The following PPP1R3B variants were observed in gnomAD, a reference collection of about 807,000 sequenced individuals.
PPP1R3B encodes protein phosphatase 1 regulatory subunit 3B, also known as PP1 subunit R4.
Under a neutral mutation model 14.6 loss-of-function variants are expected in PPP1R3B, and 8 were observed. The observed-to-expected ratio is 0.55, with a 90% CI of 0.32 to 0.99. The LOEUF is 0.99. Among genes scored for constraint, PPP1R3B ranks in the 50% least tolerant of loss-of-function variants. PPP1R3B has a pLI of 0.04. For missense variants in PPP1R3B, 452 were observed against 360.1 expected, an observed-to-expected ratio of 1.26 and a Z score of -2.07; for synonymous variants, 169 against 142.0, an observed-to-expected ratio of 1.19 and a Z score of -1.35.
At chr8:9,144,545 A>T (rs1462762450) in intron 1 of PPP1R3B, among the ~76,000 whole-genome samples, 1 of 152,142 alleles carries the variant, frequency 6.6e-6, no homozygotes, top group Non-Finnish European at 1.5e-5. Context: ...CTAATTTTTT[A>T]ATCATTTTTT....
chr8:9,141,468 G>A lies in PPP1R3B; in HGVS notation c.184C>T (p.Arg62Trp), dbSNP rs768094652. The stretch of plus-strand genomic sequence containing the variant: ...CCCTGGTTGTCTGCGAAGGACACCC[G>A]CTTTTTCACCTTCTTCTCCTGGACA... ...PAVQEKKVKK[R>W]VSFADNQGLA... is the part of the protein sequence containing the mutation. Residue 62 changes from arginine (R) to tryptophan (W), a missense_variant, in exon 2 of 2, where the codon CGG becomes TGG. By Grantham distance (101) the Arg-to-Trp change is moderately radical. Transcript: ENST00000310455. The A allele has an allele frequency of 1.7e-5, 27 of 1,614,024 alleles. No homozygotes were observed. Among genetic ancestry groups the A allele is most frequent in the Non-Finnish European group, 2.1e-5 (25 of 1,180,048 alleles).
rs1253195478 is a variant in PPP1R3B at position 9,138,527 on chromosome 8, C to G, written c.*2267G>C. The G allele has an allele frequency of 6.6e-6, 1 of 152,144 alleles. No homozygotes were observed. The highest frequency in any genetic ancestry group is 6.5e-5 in the Admixed American group (1 of 15,268). The allele number at this position is 152,144 out of a possible 1,614,324, so 9.4% of individuals were successfully genotyped here. On this transcript the variant is annotated 3_prime_UTR_variant, in exon 2 of 2. Coordinates refer to ENST00000310455, the MANE Select transcript of PPP1R3B (RefSeq NM_024607.4). ...AAAACAACAACAAAAACAACCTAAC[C>G]CAACCACAAAACTCTAGGAGCCAAG... is the stretch of plus-strand genomic sequence containing the variant.
At chr8:9,149,327 C>T (rs556315750) in intron 1 of PPP1R3B, among the ~76,000 whole-genome samples, 50 of 150,592 alleles carry the variant, frequency 3.3e-4, no homozygotes, top group Non-Finnish European at 6.1e-4. Flanking sequence ...GGTGAAACCC[C>T]GTCTCTACTA....
rs1037977329 is a variant in PPP1R3B at position 9,138,004 on chromosome 8, T to C, written c.*2790A>G. ...GTCTTAAGATCATTATTAGATAAAA[T>C]TAAACTGACTTTATTAAACAGAGTC... On this transcript the variant is annotated 3_prime_UTR_variant, in exon 2 of 2. Coordinates refer to ENST00000310455, the MANE Select transcript of PPP1R3B (RefSeq NM_024607.4). 6.6e-6 allele frequency: 1 copy of C among 152,204 alleles called. No homozygotes were observed. Among genetic ancestry groups the C allele is most frequent in the African/African-American group, 2.4e-5 (1 of 41,460 alleles). 9.4% of individuals were successfully genotyped at this position (152,204 alleles called of 1,614,324 possible).
chr8:9,147,423 TTCC>T (rs1169442299), intron 1 of PPP1R3B, among the ~76,000 whole-genome samples: 1 of 152,144 alleles, frequency 6.6e-6, no homozygotes, highest in Non-Finnish European at 1.5e-5. Context: ...TCTTCACAGC[TTCC>T]TCCTCAACTG....
Position 9,147,894 on chromosome 8 carries a change from T to A in PPP1R3B, c.-18+2669A>T, listed in dbSNP as rs1163209783. 2.0e-5 allele frequency among the ~76,000 whole-genome samples: 3 copies of A among 152,160 alleles called. 1 individual carries two copies. Among genetic ancestry groups the A allele is most frequent in the Non-Finnish European group, 4.4e-5 (3 of 68,036 alleles). On this transcript the variant is annotated intron_variant, in intron 1 of 1. Transcript: ENST00000310455. ...GCTCAAGAGTTACCCGCAGGACTAC[T>A]ACCCCAGGGACATTGCACAAGCAAC...
intron 1 of PPP1R3B, among the ~76,000 whole-genome samples, chr8:9,146,155 A>C (rs1019306479): frequency 6.6e-6 from 1 of 152,160 alleles, no homozygotes; most frequent in Admixed American, 6.5e-5. Flanking sequence ...TTATCATTCT[A>C]ATTACCATGG....
In PPP1R3B at chr8:9,150,564, T is replaced by A. The variant is rs944053249; in HGVS notation, c.-19A>T. ...TCCTTGGCCTCGCGCCGCACCCACC[T>A]TTTGGGCCGCGGAGAAGCCCCCTCC... On this transcript the variant is annotated splice_region_variant and 5_prime_UTR_variant, in exon 1 of 2. It adds an upstream start codon to the 5' untranslated region. Transcript: ENST00000310455. 2 of 152,812 alleles carry A rather than the reference T, an allele frequency of 1.3e-5. No homozygotes were observed. Among genetic ancestry groups the A allele is most frequent in the Admixed American group, 1.3e-4 (2 of 15,310 alleles). 9.5% of individuals were successfully genotyped at this position (152,812 alleles called of 1,614,324 possible).
In PPP1R3B at chr8:9,140,723, A is replaced by G; in HGVS notation, c.*71T>C. The G allele has an allele frequency of 6.5e-7, 1 of 1,532,398 alleles. No individual in the cohort carries two copies. 94.9% of individuals were successfully genotyped at this position (1,532,398 alleles called of 1,614,324 possible). A position where few individuals can be genotyped will look rare whatever the true frequency, so the allele number is the denominator to read the frequency against. ...CCACGTTGCTCCTCCCTGGCCTTCCATCTCCACTGCACAGTGAGCAGAGCT... is the reference window on the plus strand; with the variant it reads ...CCACGTTGCTCCTCCCTGGCCTTCCGTCTCCACTGCACAGTGAGCAGAGCT... On this transcript the variant is annotated 3_prime_UTR_variant, in exon 2 of 2. Coordinates refer to ENST00000310455, the MANE Select transcript of PPP1R3B (RefSeq NM_024607.4).
chr8:9,145,901 G>C (rs1801226920), intron 1 of PPP1R3B, among the ~76,000 whole-genome samples: 1 of 151,820 alleles, frequency 6.6e-6, no homozygotes, highest in African/African-American at 2.4e-5. Flanking sequence ...ACAGGATCTT[G>C]CTGTGTTGCC....
chr8:9,141,703 C>T (rs750178500), intron 1 of PPP1R3B, 35 bp from the exon 2 acceptor site: 4 of 1,576,108 alleles, frequency 2.5e-6, no homozygotes, highest in Non-Finnish European at 3.5e-6. Flanking sequence ...AGAAAGAAAA[C>T]AGTGGAGCAA....
Position 9,136,528 on chromosome 8 carries a change from C to G in PPP1R3B, c.*4266G>C, listed in dbSNP as rs1364265607. The G allele has an allele frequency of 2.0e-5, 3 of 152,208 alleles. No individual in the cohort carries two copies. Among genetic ancestry groups the G allele is most frequent in the African/African-American group, 7.2e-5 (3 of 41,450 alleles). The allele number at this position is 152,208 out of a possible 1,614,324, so 9.4% of individuals were successfully genotyped here. ...TCAAAGCCCTCAGAGGTCCAGCAGT[C>G]TCTAAAAACTCGTCAACAAGACTAA... is the stretch of plus-strand genomic sequence containing the variant. On this transcript the variant is annotated 3_prime_UTR_variant, in exon 2 of 2. Transcript: ENST00000310455.
chr8:9,136,485 A>G lies in PPP1R3B; in HGVS notation c.*4309T>C, dbSNP rs983728055. 1 of 152,256 alleles carries G rather than the reference A, an allele frequency of 6.6e-6. No individual in the cohort carries two copies. The highest frequency in any genetic ancestry group is 1.9e-4 in the East Asian group (1 of 5,202). The allele number at this position is 152,256 out of a possible 1,614,324, so 9.4% of individuals were successfully genotyped here. A position where few individuals can be genotyped will look rare whatever the true frequency, so the allele number is the denominator to read the frequency against. On this transcript the variant is annotated 3_prime_UTR_variant, in exon 2 of 2. Coordinates refer to ENST00000310455, the MANE Select transcript of PPP1R3B (RefSeq NM_024607.4). ...ATTCACACTGAAGTAATAGTGAAACATCATCACAGCTGCACTCTCAAAGCC... is the reference window on the plus strand; with the variant it reads ...ATTCACACTGAAGTAATAGTGAAACGTCATCACAGCTGCACTCTCAAAGCC...
chr8:9,141,412 C>T lies in PPP1R3B; in HGVS notation c.240G>A (p.Ser80=), dbSNP rs758184308. ...GLALTMVKVF[S]EFDDPLDMPF... ...GCATATCTAGCGGGTCATCGAATTC[C>T]GAGAACACTTTGACCATTGTCAGGG... Residue 80 remains serine (S), a synonymous_variant, in exon 2 of 2, where the codon TCG becomes TCA. Transcript: ENST00000310455. 25 of 1,614,054 alleles carry T rather than the reference C, an allele frequency of 1.5e-5. No individual in the cohort carries two copies. The highest frequency in any genetic ancestry group is 5.0e-5 in the Admixed American group (3 of 60,006).
Position 9,141,043 on chromosome 8 carries a change from C to G in PPP1R3B, c.609G>C (p.Gln203His). 6.2e-7 allele frequency: 1 copy of G among 1,614,190 alleles called. No homozygotes were observed. Among genetic ancestry groups the G allele is most frequent in the Non-Finnish European group, 8.5e-7 (1 of 1,180,048 alleles). Reference protein sequence around the residue: ...SFDISLPEKIQSYERMEFAVY... With the variant: ...SFDISLPEKIHSYERMEFAVY... ...CAGCAAACTCCATTCTTTCATAAGA[C>G]TGAATCTTCTCGGGCAAGCTGATGT... is the stretch of plus-strand genomic sequence containing the variant. The change falls in exon 2 of 2, where the codon CAG (glutamine) becomes CAC (histidine). Residue 203 changes from glutamine to histidine, a missense_variant. Transcript: ENST00000310455.
rs556479015 is a variant in PPP1R3B, at chr8:9,148,915, T to C, written c.-18+1648A>G. 1.1e-4 allele frequency among the ~76,000 whole-genome samples: 17 copies of C among 152,106 alleles called. No homozygotes were observed. In the East Asian group the frequency reaches 1.2e-3, roughly 10 times the overall value. On this transcript the variant is annotated intron_variant, in intron 1 of 1. Transcript: ENST00000310455. ...TAAGAAAAGACAAAAAGGCCGGGCG[T>C]GGTGGCTCACGCCTGTAATCCCAGC...
chr8:9,145,634 A>C (rs1801219480), intron 1 of PPP1R3B, among the ~76,000 whole-genome samples: 1 of 152,202 alleles, frequency 6.6e-6, no homozygotes, highest in Non-Finnish European at 1.5e-5. Context: ...CCTAGACTCC[A>C]TGTTGTCCAA....
At chr8:9,149,211 CA>C (rs1159925535) in intron 1 of PPP1R3B, among the ~76,000 whole-genome samples, 1 of 92,244 alleles carries the variant, frequency 1.1e-5, no homozygotes, top group Non-Finnish European at 2.1e-5. Flanking sequence ...AAAAAAAAGG[CA>C]AAAAAAGGCC....
intron 1 of PPP1R3B, among the ~76,000 whole-genome samples, chr8:9,149,516 C>G (rs770541546): frequency 3.3e-5 from 5 of 152,016 alleles, no homozygotes; most frequent in Non-Finnish European, 5.9e-5. Context: ...AACAAACAAA[C>G]AAAACCAAAC....
Sources: gnomAD v4.1 joint callset for allele counts (sites outside exome capture counted in the v4.1 genomes callset) on GRCh38, gnomAD v4.1.1 for gene constraint, MANE v1.5 for transcripts, NCBI Gene and HGNC (gene_info 2026-07-23, HGNC 2026-07-21) for gene names.